LRMDA: variants seen among roughly 807,000 people sequenced by gnomAD.
LRMDA encodes leucine rich melanocyte differentiation associated.
Under a neutral mutation model 29.8 loss-of-function variants are expected in LRMDA, and 18 were observed. The observed-to-expected ratio is 0.60, with a 90% CI of 0.42 to 0.90. The LOEUF is 0.90. LRMDA is among the 40% of genes least tolerant of loss of function. The pLI, the probability that LRMDA is intolerant of heterozygous loss-of-function variation, is 0.00. For synonymous variants in LRMDA, 125 were observed against 109.4 expected, an observed-to-expected ratio of 1.14 and a Z score of -0.89; for missense variants, 273 against 273.9, an observed-to-expected ratio of 1.00 and a Z score of 0.02.
At chr10:75,766,193 C>T (rs545902074) in intron 2 of LRMDA, among the ~76,000 whole-genome samples, 1 of 152,226 alleles carries the variant, frequency 6.6e-6, no homozygotes, top group East Asian at 1.9e-4. Flanking sequence ...AAAGTAAGTC[C>T]AGTGTAGGAA....
At chr10:76,552,994 A>G (rs777528730) in intron 6 of LRMDA, among the ~76,000 whole-genome samples, 1 of 152,168 alleles carries the variant, frequency 6.6e-6, no homozygotes, top group Non-Finnish European at 1.5e-5. Flanking sequence ...TCCAGAGGGG[A>G]AAAACATGGA....
intron 2 of LRMDA, among the ~76,000 whole-genome samples, chr10:75,661,334 G>C (rs1468220718): frequency 2.0e-5 from 3 of 152,210 alleles, no homozygotes; most frequent in South Asian, 2.1e-4. Flanking sequence ...ATTTCTTGCC[G>C]TGAGTGGGAG....
chr10:76,369,247 G>A (rs1841426316), intron 6 of LRMDA, among the ~76,000 whole-genome samples: 1 of 152,104 alleles, frequency 6.6e-6, no homozygotes, highest in Non-Finnish European at 1.5e-5. Flanking sequence ...CTGTTTTGAT[G>A]TGCTTCCAGG....
At chr10:76,415,086 AGT>A (rs1842001063) in intron 6 of LRMDA, among the ~76,000 whole-genome samples, 1 of 152,226 alleles carries the variant, frequency 6.6e-6, no homozygotes, top group African/African-American at 2.4e-5. Flanking sequence ...GGGAAAAGCA[AGT>A]GGCTCCATGT....
intron 6 of LRMDA, among the ~76,000 whole-genome samples, chr10:76,369,846 G>A (rs1841432446): frequency 1.3e-5 from 2 of 152,100 alleles, no homozygotes; most frequent in African/African-American, 2.4e-5. Context: ...TGGGCCTATA[G>A]CAGTGGCTTA....
intron 2 of LRMDA, among the ~76,000 whole-genome samples, chr10:76,001,126 C>A (rs1847555431): frequency 1.3e-5 from 2 of 152,308 alleles, no homozygotes; most frequent in South Asian, 4.2e-4. Context: ...GACCCCATCT[C>A]CTGCAGGAGC....
chr10:76,113,412 A>G (rs751446053), intron 5 of LRMDA, among the ~76,000 whole-genome samples: 4 of 151,340 alleles, frequency 2.6e-5, no homozygotes, highest in Non-Finnish European at 4.4e-5. Context: ...TTGGGCTTGG[A>G]GAGTTGTCAC....
intron 2 of LRMDA, among the ~76,000 whole-genome samples, chr10:76,032,184 C>T (rs1353598344): frequency 1.3e-5 from 2 of 152,182 alleles, no homozygotes; most frequent in South Asian, 4.1e-4. Context: ...GTGAGTGGCT[C>T]ATTTGCAGGG....
chr10:76,134,528 A>T (rs1386764400), intron 5 of LRMDA, among the ~76,000 whole-genome samples: 1 of 152,198 alleles, frequency 6.6e-6, no homozygotes, highest in East Asian at 1.9e-4. Flanking sequence ...TGATGACCTA[A>T]CAATCATTTC....
At chr10:76,430,320 A>G (rs1842178053) in intron 6 of LRMDA, among the ~76,000 whole-genome samples, 1 of 152,184 alleles carries the variant, frequency 6.6e-6, no homozygotes, top group South Asian at 2.1e-4. Context: ...AGCCCCTTCC[A>G]GAGGAGTTCA....
rs1438771421 is a variant in LRMDA, at chr10:76,135,352, GA to G, written c.516+76570del. ...CCCTTTAAGGTGGACCTTAAGATTT[GA>G]TTTCAGATTTAAGTGGTAGTCCTAT... On this transcript the variant is annotated intron_variant, in intron 5 of 6. Transcript: ENST00000611255. Among the ~76,000 whole-genome samples, 24 of 152,288 alleles carry G rather than the reference GA, an allele frequency of 1.6e-4. No individual in the cohort carries two copies. In the South Asian group the frequency reaches 2.1e-3, roughly 13 times the overall value.
intron 2 of LRMDA, among the ~76,000 whole-genome samples, chr10:75,752,652 C>T (rs1266458646): frequency 6.6e-6 from 1 of 152,130 alleles, no homozygotes; most frequent in Non-Finnish European, 1.5e-5. Context: ...AAATGAGACC[C>T]AGAGATGTTA....
intron 5 of LRMDA, among the ~76,000 whole-genome samples, chr10:76,209,754 G>A (rs140547220): frequency 1.3e-5 from 2 of 152,132 alleles, no homozygotes; most frequent in African/African-American, 4.8e-5. Flanking sequence ...GATGTATCAC[G>A]TACAATCCTG....
intron 5 of LRMDA, among the ~76,000 whole-genome samples, chr10:76,168,030 T>C (rs887739977): frequency 6.6e-6 from 1 of 152,150 alleles, no homozygotes; most frequent in Non-Finnish European, 1.5e-5. Context: ...TGAATGGGAT[T>C]GTAGGGAATC....
chr10:75,749,684 T>A (rs562978282), intron 2 of LRMDA, among the ~76,000 whole-genome samples: 42 of 151,770 alleles, frequency 2.8e-4, no homozygotes, highest in African/African-American at 9.7e-4. Flanking sequence ...GAGAGGGGGA[T>A]TTGGCAGGGT....
intron 2 of LRMDA, among the ~76,000 whole-genome samples, chr10:75,715,145 G>A (rs574932109): frequency 1.8e-4 from 27 of 152,288 alleles, no homozygotes; most frequent in African/African-American, 6.3e-4. Flanking sequence ...AGGGGCTGCG[G>A]TACGTGCGGG....
chr10:76,114,634 C>T (rs1304039354), intron 5 of LRMDA, among the ~76,000 whole-genome samples: 1 of 152,218 alleles, frequency 6.6e-6, no homozygotes, highest in Non-Finnish European at 1.5e-5. Context: ...AGTCCCCAAG[C>T]AGCCCCTTTC....
chr10:76,343,852 C>G (rs899616192), intron 6 of LRMDA, among the ~76,000 whole-genome samples: 12 of 132,984 alleles, frequency 9.0e-5, no homozygotes, highest in African/African-American at 3.4e-4. Context: ...GAATCTTGCT[C>G]TGTTGCCTGG....
chr10:75,553,645 A>G (rs1257640640), intron 2 of LRMDA, among the ~76,000 whole-genome samples: 1 of 152,136 alleles, frequency 6.6e-6, no homozygotes, highest in African/African-American at 2.4e-5. Context: ...CTGTAACTGA[A>G]AAGGTTTTCT....
Sources: allele counts gnomAD v4.1 joint callset (sites outside exome capture counted in the v4.1 genomes callset), GRCh38; gene constraint gnomAD v4.1.1; transcripts MANE v1.5; gene names NCBI Gene and HGNC (gene_info 2026-07-23, HGNC 2026-07-21).